SEC31A: variants seen among roughly 807,000 people sequenced by gnomAD.
SEC31A encodes protein transport protein Sec31A.
Under a neutral mutation model 151.0 loss-of-function variants are expected in SEC31A, and 70 were observed. The ratio of observed to expected loss-of-function variants is 0.46; its 90% CI spans 0.38 to 0.57. The LOEUF (loss-of-function observed/expected upper bound fraction) is 0.57, where lower values mean the gene tolerates loss of function less well. Among genes scored for constraint, SEC31A ranks in the 20% least tolerant of loss-of-function variants. The pLI is 0.00. For synonymous variants in SEC31A, 475 were observed against 505.9 expected (o/e 0.94, Z 0.82); for missense variants, 1,330 against 1,471.2 (o/e 0.90, Z 1.57).
chr4:82,890,028 G>C (rs1359485897), intron 1 of SEC31A, among the ~76,000 whole-genome samples: 1 of 152,010 alleles, frequency 6.6e-6, no homozygotes, highest in Non-Finnish European at 1.5e-5. Flanking sequence ...AGGAGTGCCA[G>C]ACCAGCCTGA....
At chr4:82,867,385 A>G (rs1390332887) in intron 8 of SEC31A, 69 bp from the exon 9 acceptor site, 4 of 1,327,758 alleles carry the variant, frequency 3.0e-6, no homozygotes, top group Non-Finnish European at 4.3e-6. Flanking sequence ...AAAACACCTG[A>G]ATTAATGTGG....
intron 20 of SEC31A, among the ~76,000 whole-genome samples, chr4:82,846,420 A>G (rs1343288745): frequency 1.4e-5 from 2 of 145,748 alleles, no homozygotes; most frequent in Admixed American, 1.4e-4. Context: ...TGACTCTTGA[A>G]TAACATGGGT....
chr4:82,846,937 A>G (rs1730367704), intron 20 of SEC31A, among the ~76,000 whole-genome samples: 1 of 151,914 alleles, frequency 6.6e-6, no homozygotes, highest in African/African-American at 2.4e-5. Context: ...CTGGTCTCGA[A>G]CTCCTGACCT....
intron 5 of SEC31A, among the ~76,000 whole-genome samples, chr4:82,875,026 T>C (rs1737597611): frequency 6.6e-6 from 1 of 152,248 alleles, no homozygotes; most frequent in African/African-American, 2.4e-5. Context: ...AACCAAGTAC[T>C]GTTTCTTTAC....
chr4:82,867,017 C>G, intron 9 of SEC31A, 57 bp from the exon 10 acceptor site: 3 of 1,572,380 alleles, frequency 1.9e-6, no homozygotes, highest in Non-Finnish European at 2.6e-6. Flanking sequence ...TCATTTTTTT[C>G]CAGTCATATC....
chr4:82,837,636 C>T (rs928155497), intron 22 of SEC31A, among the ~76,000 whole-genome samples: 22 of 152,226 alleles, frequency 1.4e-4, no homozygotes, highest in South Asian at 4.1e-4. Flanking sequence ...CTGCTGTGCC[C>T]GCCCCAAGAA....
At chr4:82,885,629 T>C (rs969726711) in intron 1 of SEC31A, among the ~76,000 whole-genome samples, 8 of 152,196 alleles carry the variant, frequency 5.3e-5, no homozygotes, top group African/African-American at 1.4e-4. Flanking sequence ...TTCTACTAAC[T>C]GATCTGTCAG....
At chr4:82,867,711 C>T (rs1735711747) in intron 8 of SEC31A, among the ~76,000 whole-genome samples, 1 of 152,142 alleles carries the variant, frequency 6.6e-6, no homozygotes, top group Admixed American at 6.5e-5. Context: ...CAGCTCACTG[C>T]AACCTCCACC....
At chr4:82,888,275 C>A (rs1278718882) in intron 1 of SEC31A, among the ~76,000 whole-genome samples, 1 of 143,134 alleles carries the variant, frequency 7.0e-6, no homozygotes, top group Non-Finnish European at 1.5e-5. Flanking sequence ...ACTCAGGAGG[C>A]CGAGGCAGAA....
chr4:82,821,925 T>C (rs748836413), intron 25 of SEC31A, among the ~76,000 whole-genome samples: 31 of 152,318 alleles, frequency 2.0e-4, no homozygotes, highest in South Asian at 4.1e-4. Context: ...CCTGCCTTTT[T>C]CTAAGCCTTT....
chr4:82,865,972 A>T, intron 10 of SEC31A, among the ~76,000 whole-genome samples: 1 of 152,128 alleles, frequency 6.6e-6, no homozygotes, highest in Non-Finnish European at 1.5e-5. Flanking sequence ...TTTTACAATT[A>T]AAATTTTATA....
intron 5 of SEC31A, among the ~76,000 whole-genome samples, chr4:82,875,125 G>A (rs1327555322): frequency 6.6e-6 from 1 of 152,184 alleles, no homozygotes; most frequent in Non-Finnish European, 1.5e-5. Context: ...TTACAGCCTA[G>A]ACCATTAGCA....
chr4:82,893,421 T>TC (rs1479100609), upstream of SEC31A: 7 of 152,242 alleles, frequency 4.6e-5, no homozygotes, highest in Non-Finnish European at 8.8e-5. Flanking sequence ...AGTCTTGATG[T>TC]CTGCAAAGAG....
intron 1 of SEC31A, among the ~76,000 whole-genome samples, chr4:82,883,698 G>A (rs1433063687): frequency 1.3e-5 from 2 of 151,944 alleles, no homozygotes; most frequent in African/African-American, 2.4e-5. Flanking sequence ...GCATGGTGGT[G>A]CACGCCTGTA....
At chr4:82,875,599 G>A (rs1484039200) in intron 5 of SEC31A, 128 bp downstream of exon 5, 8 of 627,660 alleles carry the variant, frequency 1.3e-5, no homozygotes, top group Non-Finnish European at 2.0e-5. Flanking sequence ...AGAAAAATCA[G>A]TAATATCTAA....
At chr4:82,847,653 A>G (rs1478332769) in intron 20 of SEC31A, among the ~76,000 whole-genome samples, 1 of 152,086 alleles carries the variant, frequency 6.6e-6, no homozygotes, top group Non-Finnish European at 1.5e-5. Context: ...GGGTTGCTTG[A>G]CATCTCTGCT....
In SEC31A at chr4:82,820,616, G is replaced by C. The variant is rs185212568; in HGVS notation, c.3483+421C>G. Among the ~76,000 whole-genome samples the C allele has an allele frequency of 1.7e-3, 262 of 152,230 alleles. 4 individuals are homozygous for C. Among genetic ancestry groups the C allele is most frequent in the Non-Finnish European group, 1.6e-4 (11 of 68,004 alleles). ...TGTGGCTACATTTGGCTTTGCTTTTGTATAATGGCTATCCTAAAAGAAAAG... is the reference window on the plus strand; with the variant it reads ...TGTGGCTACATTTGGCTTTGCTTTTCTATAATGGCTATCCTAAAAGAAAAG... On this transcript the variant is annotated intron_variant, in intron 26 of 26. Transcript: ENST00000395310.
Position 82,866,858 on chromosome 4 carries a change from G to C in SEC31A, c.1147C>G (p.Leu383Val). The C allele has an allele frequency of 6.2e-7, 1 of 1,613,666 alleles. No homozygotes were observed. The highest frequency in any genetic ancestry group is 8.5e-7 in the Non-Finnish European group (1 of 1,179,870). The change falls in exon 10 of 27, where the codon CTG (leucine) becomes GTG (valine). Residue 383 changes from leucine to valine, a missense_variant. Coordinates refer to ENST00000395310, the MANE Select transcript of SEC31A (RefSeq NM_001077207.4). ...QTAQHSIVLP[L>V]KKPPKWIRRP... ...CGAATCCACTTGGGCGGCTTCTTCAGAGGCAGCACTATACTATGCTGAGCA... is the reference window on the plus strand; with the variant it reads ...CGAATCCACTTGGGCGGCTTCTTCACAGGCAGCACTATACTATGCTGAGCA...
chr4:82,885,322 T>C (rs1740433969), intron 1 of SEC31A, among the ~76,000 whole-genome samples: 1 of 152,216 alleles, frequency 6.6e-6, no homozygotes, highest in Admixed American at 6.5e-5. Flanking sequence ...CTTTGGGTAA[T>C]AATTTTTAAA....
Sources: allele counts gnomAD v4.1 joint callset (sites outside exome capture counted in the v4.1 genomes callset), GRCh38; gene constraint gnomAD v4.1.1; transcripts MANE v1.5; gene names NCBI Gene and HGNC (gene_info 2026-07-23, HGNC 2026-07-21).